Variants in EPOR observed in about 807,000 individuals in gnomAD.
EPOR encodes the protein erythropoietin receptor.
In EPOR, 20 loss-of-function variants were observed where a neutral mutation model predicts 34.3. That is an observed-to-expected ratio of 0.58 (90% confidence interval 0.41 to 0.85). EPOR has a LOEUF of 0.85. EPOR is among the 40% of genes least tolerant of loss of function. The pLI is 0.00. For missense variants in EPOR, 601 were observed against 672.7 expected, an observed-to-expected ratio of 0.89 and a Z score of 1.18; for synonymous variants, 312 against 299.0, an observed-to-expected ratio of 1.04 and a Z score of -0.45.
At chr19:11,382,983 C>T (rs766858094) in intron 2 of EPOR, 114 bp downstream of exon 2, 6 of 1,592,446 alleles carry the variant, frequency 3.8e-6, no homozygotes, top group Non-Finnish European at 5.1e-6. Context: ...GTGACCACGA[C>T]TGGAGGCGCC....
In EPOR at chr19:11,383,488, G is replaced by C; in HGVS notation, c.116-256C>G. On this transcript the variant is annotated intron_variant, in intron 1 of 7. Transcript: ENST00000222139. This position sits in a 1 kb window ranked among gnomAD's most constrained non-coding sequence, Gnocchi z 4.9. The stretch of plus-strand genomic sequence containing the variant: ...CCCACCCAGCGGCCAGCTGAGCTGG[G>C]CGCGGCGTTCAAGACCTCGAGCTCG... The C allele has an allele frequency of 4.6e-6, 2 of 432,646 alleles. No individual in the cohort carries two copies. The highest frequency in any genetic ancestry group is 8.3e-6 in the Non-Finnish European group (2 of 242,124). 26.8% of individuals were successfully genotyped at this position (432,646 alleles called of 1,614,324 possible). A position where few individuals can be genotyped will look rare whatever the true frequency, so the allele number is the denominator to read the frequency against.
Position 11,383,263 on chromosome 19 carries a change from G to T in EPOR, c.116-31C>A, listed in dbSNP as rs747539873. ...GAGGGGCGACAAAGGAAGGGCATGG[G>T]GGTCTGAGCTCTATCCTCGGGAGAC... On this transcript the variant is annotated intron_variant, in intron 1 of 7. Transcript: ENST00000222139. The surrounding 1 kb of genome is among the most constrained non-coding windows in gnomAD (Gnocchi z 4.9). 18 of 1,559,214 alleles carry T rather than the reference G, an allele frequency of 1.2e-5. No homozygotes were observed. The highest frequency in any genetic ancestry group is 1.8e-5 in the Admixed American group (1 of 55,830).
Position 11,383,186 on chromosome 19 carries a change from G to C in EPOR, c.162C>G (p.Thr54=). 1.2e-6 allele frequency: 2 copies of C among 1,611,710 alleles called. No individual in the cohort carries two copies. The highest frequency in any genetic ancestry group is 1.7e-6 in the Non-Finnish European group (2 of 1,179,598). ...AACACACCAAGTCCTCCAACCGCTC[G>C]GTGAAGCACAGAAGCTCTTCGGGCC... The part of the protein sequence containing the change: ...ARGPEELLCF[T]ERLEDLVCFW... Residue 54 remains threonine, a synonymous_variant, in exon 2 of 8, where the codon ACC becomes ACG. Transcript: ENST00000222139. This position sits in a 1 kb window ranked among gnomAD's most constrained non-coding sequence, Gnocchi z 4.9.
rs1447588136 is a variant in EPOR, at chr19:11,377,919, A to C, written c.*65T>G. The C allele has an allele frequency of 6.2e-7, 1 of 1,604,344 alleles. No individual in the cohort carries two copies. Among genetic ancestry groups the C allele is most frequent in the Admixed American group, 1.7e-5 (1 of 60,000 alleles). On this transcript the variant is annotated 3_prime_UTR_variant, in exon 8 of 8. Transcript: ENST00000222139. ...AGAGGCCTCGCCATCCCTGTTCCAT[A>C]AGTCTTGAGTCTGCACTGGTTCTCT...
chr19:11,377,479 C>T lies in EPOR; in HGVS notation c.*505G>A, dbSNP rs1298859535. 1 of 454,104 alleles carries T rather than the reference C, an allele frequency of 2.2e-6. No homozygotes were observed. Among genetic ancestry groups the T allele is most frequent in the South Asian group, 1.6e-5 (1 of 64,472 alleles). The allele number at this position is 454,104 out of a possible 1,614,324, so 28.1% of individuals were successfully genotyped here. A position where few individuals can be genotyped will look rare whatever the true frequency, so the allele number is the denominator to read the frequency against. ...GTAGAACAGGGGATCCATCTAAGTA[C>T]CCTAAGAGAAGGTAGAGCTACAGAC... On this transcript the variant is annotated 3_prime_UTR_variant, in exon 8 of 8. Transcript: ENST00000222139.
intron 2 of EPOR, chr19:11,382,781 A>G: frequency 7.6e-7 from 1 of 1,308,170 alleles, no homozygotes; most frequent in Non-Finnish European, 9.9e-7. Flanking sequence ...GGCATGAGCC[A>G]CTGCTGGCCT....
Position 11,383,058 on chromosome 19 carries a change from T to C in EPOR, c.251+39A>G, listed in dbSNP as rs1288642607. 8.0e-6 allele frequency: 10 copies of C among 1,253,130 alleles called. No homozygotes were observed. The highest frequency in any genetic ancestry group is 9.3e-6 in the Non-Finnish European group (8 of 863,286). 77.6% of individuals were successfully genotyped at this position (1,253,130 alleles called of 1,614,324 possible). On this transcript the variant is annotated intron_variant, in intron 2 of 7. Coordinates refer to ENST00000222139, the MANE Select transcript of EPOR (RefSeq NM_000121.4). The surrounding 1 kb of genome is among the most constrained non-coding windows in gnomAD (Gnocchi z 4.9). ...CTCCAGGGAGCTCTGCCCCACCCCC[T>C]CCCTCCGCCCTTGGAGGCACCCGCC...
rs766559005 is a variant in EPOR at position 11,378,082 on chromosome 19, G to C, written c.1429C>G (p.Gln477Glu). The C allele has an allele frequency of 6.2e-7, 1 of 1,613,878 alleles. No homozygotes were observed. The highest frequency in any genetic ancestry group is 8.5e-7 in the Non-Finnish European group (1 of 1,179,822). Reference sequence around the variant, plus strand: ...TAGGGGCCATCGGATAAGCCCCCTTGGGCTCCCTGGGAGTCCCCTGAGCTG... The same window carrying C: ...TAGGGGCCATCGGATAAGCCCCCTTCGGCTCCCTGGGAGTCCCCTGAGCTG... Reference protein sequence around the residue: ...DYSSGDSQGAQGGLSDGPYSN... With the variant: ...DYSSGDSQGAEGGLSDGPYSN... The change falls in exon 8 of 8, where the codon CAA (glutamine) becomes GAA (glutamate). Residue 477 changes from glutamine to glutamate, a missense_variant. Physicochemically the swap from Gln to Glu is conservative, Grantham distance 29 (BLOSUM62 2). Transcript: ENST00000222139. The surrounding 1 kb of genome is among the most constrained non-coding windows in gnomAD (Gnocchi z 5.3).
In EPOR at chr19:11,378,832, A is replaced by C; in HGVS notation, c.828-54T>G. On this transcript the variant is annotated intron_variant, in intron 6 of 7. Transcript: ENST00000222139. This position sits in a 1 kb window ranked among gnomAD's most constrained non-coding sequence, Gnocchi z 5.3. ...AGATATGACTCATTGAATACTCACC[A>C]ATTCCCCCTCCACTCCCAGTCATAG... The C allele has an allele frequency of 6.5e-7, 1 of 1,545,866 alleles. No homozygotes were observed. The highest frequency in any genetic ancestry group is 2.2e-5 in the East Asian group (1 of 44,500).
In EPOR at chr19:11,384,280, G is replaced by A. The variant is rs899699335; in HGVS notation, c.-73C>T. The A allele has an allele frequency of 5.7e-6, 6 of 1,059,200 alleles. No homozygotes were observed. Among genetic ancestry groups the A allele is most frequent in the Non-Finnish European group, 8.4e-6 (6 of 712,292 alleles). 65.6% of individuals were successfully genotyped at this position (1,059,200 alleles called of 1,614,324 possible). ...CCCGCCCCCGGCACAGTCCACAGCT[G>A]GGTCAGCAGCTGCCTCCGCCGGACG... On this transcript the variant is annotated 5_prime_UTR_variant, in exon 1 of 8. Transcript: ENST00000222139.
rs773271061 is a variant in EPOR at position 11,382,003 on chromosome 19, C to A, written c.354G>T (p.Val118=). The A allele has an allele frequency of 4.7e-5, 76 of 1,614,118 alleles. No individual in the cohort carries two copies. The highest frequency in any genetic ancestry group is 5.8e-5 in the Non-Finnish European group (69 of 1,180,048). Residue 118 remains valine, a synonymous_variant, in exon 3 of 8, where the codon GTG becomes GTT. Transcript: ENST00000222139. ...SLPTADTSSF[V]PLELRVTAAS... ...CTGCTGTGACGCGCAACTCTAGGGG[C>A]ACGAAGCTCGACGTGTCGGCTGTAG...
chr19:11,383,958 A>T lies in EPOR; in HGVS notation c.115+135T>A. 1 of 435,578 alleles carries T rather than the reference A, an allele frequency of 2.3e-6. No individual in the cohort carries two copies. Among genetic ancestry groups the T allele is most frequent in the Non-Finnish European group, 4.5e-6 (1 of 221,950 alleles). 27.0% of individuals were successfully genotyped at this position (435,578 alleles called of 1,614,324 possible). ...TCCAGGACCCAGTCTAAGGGTTCAGATGCCAGCTTGGCCCCCAGGACCCGG... is the reference window on the plus strand; with the variant it reads ...TCCAGGACCCAGTCTAAGGGTTCAGTTGCCAGCTTGGCCCCCAGGACCCGG... On this transcript the variant is annotated intron_variant, in intron 1 of 7. Coordinates refer to ENST00000222139, the MANE Select transcript of EPOR (RefSeq NM_000121.4). The surrounding 1 kb of genome is among the most constrained non-coding windows in gnomAD (Gnocchi z 4.9).
In EPOR at chr19:11,381,604, G is replaced by T. The variant is rs933966160; in HGVS notation, c.585+88C>A. 2.8e-6 allele frequency: 4 copies of T among 1,415,540 alleles called. No homozygotes were observed. The highest frequency in any genetic ancestry group is 3.9e-6 in the Non-Finnish European group (4 of 1,038,176). The allele number at this position is 1,415,540 out of a possible 1,614,324, so 87.7% of individuals were successfully genotyped here. ...ATGTGGGATGTTACGGACCGGCCCT[G>T]AAAGCGGCACCGGGCGCGACCTCGA... is the stretch of plus-strand genomic sequence containing the variant. On this transcript the variant is annotated intron_variant, in intron 4 of 7. Coordinates refer to ENST00000222139, the MANE Select transcript of EPOR (RefSeq NM_000121.4). This position sits in a 1 kb window ranked among gnomAD's most constrained non-coding sequence, Gnocchi z 5.3.
chr19:11,379,842 C>T (rs1461819437), intron 6 of EPOR, among the ~76,000 whole-genome samples: 1 of 152,212 alleles, frequency 6.6e-6, no homozygotes, highest in African/African-American at 2.4e-5. Flanking sequence ...GCGGGGATTA[C>T]AGGCATGTGC....
At position 11,381,062 on chromosome 19, in the gene EPOR, GC is replaced by G. The variant is rs1187779668; in HGVS notation, c.732del (p.Pro245LeufsTer9). ...SAWSEPVSLLTPSDLDPLILT... is the reference protein window; with the variant it reads ...SAWSEPVSLLXPSDLDPLILT... ...CCCCCGCCTGGGGCCTCACCGCTAG[GC>G]GTCAGCAGCGACACAGGCTCCGACC... is the stretch of plus-strand genomic sequence containing the variant. On this transcript the variant is annotated frameshift_variant, in exon 5 of 8. Coordinates refer to ENST00000222139, the MANE Select transcript of EPOR (RefSeq NM_000121.4). LOFTEE classifies it high-confidence loss of function. The surrounding 1 kb of genome is among the most constrained non-coding windows in gnomAD (Gnocchi z 5.3). The G allele has an allele frequency of 6.2e-7, 1 of 1,601,594 alleles. No individual in the cohort carries two copies. The highest frequency in any genetic ancestry group is 1.3e-5 in the African/African-American group (1 of 74,842).
At position 11,384,224 on chromosome 19, in the gene EPOR, C is replaced by A. The variant is rs1968404991; in HGVS notation, c.-17G>T. ...GTGGTCCATGATACAGCCCCCGCCACGGGGAGCCCAGGGCTCCTGCCCCTC... is the reference window on the plus strand; with the variant it reads ...GTGGTCCATGATACAGCCCCCGCCAAGGGGAGCCCAGGGCTCCTGCCCCTC... On this transcript the variant is annotated 5_prime_UTR_variant, in exon 1 of 8. Transcript: ENST00000222139. 1 of 1,500,986 alleles carries A rather than the reference C, an allele frequency of 6.7e-7. No individual in the cohort carries two copies. Among genetic ancestry groups the A allele is most frequent in the Admixed American group, 2.0e-5 (1 of 50,814 alleles). 93.0% of individuals were successfully genotyped at this position (1,500,986 alleles called of 1,614,324 possible).
rs1285879870 is a variant in EPOR at position 11,378,757 on chromosome 19, C to T, written c.849G>A (p.Trp283Ter). Residue 283 changes from tryptophan (W) to a stop codon, truncating the protein, a stop_gained, in exon 7 of 8, where the codon TGG (tryptophan) becomes TGA (stop). Coordinates refer to ENST00000222139, the MANE Select transcript of EPOR (RefSeq NM_000121.4). LOFTEE classifies it high-confidence loss of function. This position sits in a 1 kb window ranked among gnomAD's most constrained non-coding sequence, Gnocchi z 5.3. ...SHRRALKQKIWPGIPSPESEF... is the reference protein window; with the variant it reads ...SHRRALKQKI ...CGCTCTCTGGGCTCGGGATGCCAGG[C>T]CAGATCTTCTGCTTCAGAGCCCTGT... 1.2e-6 allele frequency: 2 copies of T among 1,614,174 alleles called. No homozygotes were observed.
rs1968388231 is a variant in EPOR at position 11,383,181 on chromosome 19, C to A, written c.167G>T (p.Arg56Leu). ...GPEELLCFTE[R>L]LEDLVCFWEE... is the part of the protein sequence containing the mutation. ...CCAGAAACACACCAAGTCCTCCAACCGCTCGGTGAAGCACAGAAGCTCTTC... is the reference window on the plus strand; with the variant it reads ...CCAGAAACACACCAAGTCCTCCAACAGCTCGGTGAAGCACAGAAGCTCTTC... Residue 56 changes from arginine to leucine, a missense_variant, in exon 2 of 8, where the codon CGG becomes CTG. Physicochemically the swap from Arg to Leu is moderately radical, Grantham distance 102. Transcript: ENST00000222139. This position sits in a 1 kb window ranked among gnomAD's most constrained non-coding sequence, Gnocchi z 4.9. The A allele has an allele frequency of 5.0e-6, 8 of 1,612,288 alleles. No homozygotes were observed. Among genetic ancestry groups the A allele is most frequent in the Non-Finnish European group, 6.8e-6 (8 of 1,179,872 alleles).
chr19:11,381,832 C>A lies in EPOR; in HGVS notation c.445G>T (p.Val149Leu), dbSNP rs1206410452. 6.2e-7 allele frequency: 1 copy of A among 1,613,998 alleles called. No individual in the cohort carries two copies. The highest frequency in any genetic ancestry group is 8.5e-7 in the Non-Finnish European group (1 of 1,179,920). Residue 149 changes from valine to leucine, a missense_variant, in exon 4 of 8, where the codon GTG (valine) becomes TTG (leucine). Transcript: ENST00000222139. The surrounding 1 kb of genome is among the most constrained non-coding windows in gnomAD (Gnocchi z 5.3). ...INEVVLLDAP[V>L]GLVARLADES... Reference sequence around the variant, plus strand: ...TCAGCCAACCGCGCCACCAGCCCCACGGGGGCGTCTAGGAGCACTGCAGGC... The same window carrying A: ...TCAGCCAACCGCGCCACCAGCCCCAAGGGGGCGTCTAGGAGCACTGCAGGC...
Sources: allele counts gnomAD v4.1 joint callset (sites outside exome capture counted in the v4.1 genomes callset), GRCh38; gene constraint gnomAD v4.1.1; non-coding constraint Gnocchi (gnomAD v3.1); transcripts MANE v1.5; gene names NCBI Gene and HGNC (gene_info 2026-07-23, HGNC 2026-07-21).